C18orf63: variants seen among roughly 807,000 people sequenced by gnomAD.
C18orf63 encodes uncharacterized protein C18orf63.
A neutral mutation model predicts 75.3 loss-of-function variants in C18orf63; 50 were observed. The observed-to-expected ratio is 0.66, with a 90% CI of 0.53 to 0.84. The LOEUF is 0.84. C18orf63 is among the 40% of genes least tolerant of loss of function. The probability of loss-of-function intolerance (pLI) is 0.00; values close to 1 mark genes in which losing one functional copy is unlikely to be tolerated. For missense variants in C18orf63, 732 were observed against 800.2 expected, an observed-to-expected ratio of 0.91 and a Z score of 1.03; for synonymous variants, 232 against 267.6, an observed-to-expected ratio of 0.87 and a Z score of 1.30.
chr18:74,355,356 A>G (rs947152032), intron 13 of C18orf63, among the ~76,000 whole-genome samples: 3 of 151,860 alleles, frequency 2.0e-5, no homozygotes, highest in African/African-American at 7.3e-5. Flanking sequence ...TGACTGAGGG[A>G]AAAATGCATG....
intron 11 of C18orf63, 56 bp from the exon 12 acceptor site, chr18:74,353,190 T>C: frequency 9.3e-7 from 1 of 1,076,578 alleles, no homozygotes; most frequent in Non-Finnish European, 1.3e-6. Context: ...TTATTTCTTT[T>C]CCATTAAGGA....
intron 3 of C18orf63, among the ~76,000 whole-genome samples, chr18:74,321,902 T>C (rs978011257): frequency 1.3e-5 from 2 of 152,202 alleles, no homozygotes; most frequent in Non-Finnish European, 1.5e-5. Context: ...TTGCCATTCA[T>C]TTCCCCTTTA....
In C18orf63 at chr18:74,357,477, A is replaced by G. The variant is rs1173969380; in HGVS notation, c.*1030A>G. 2 of 152,208 alleles carry G rather than the reference A, an allele frequency of 1.3e-5. No individual in the cohort carries two copies. Among genetic ancestry groups the G allele is most frequent in the East Asian group, 3.8e-4 (2 of 5,208 alleles). 9.4% of individuals were successfully genotyped at this position (152,208 alleles called of 1,614,324 possible). On this transcript the variant is annotated 3_prime_UTR_variant, in exon 14 of 14. Coordinates refer to ENST00000579455, the MANE Select transcript of C18orf63 (RefSeq NM_001174123.2). ...TATTATTCTGGCTTTCAAACATTTT[A>G]TATGTTTGATATACGAAATATTATA...
At chr18:74,327,117 A>G (rs995249438) in intron 4 of C18orf63, among the ~76,000 whole-genome samples, 1 of 152,158 alleles carries the variant, frequency 6.6e-6, no homozygotes, top group Admixed American at 6.5e-5. Flanking sequence ...GGAATTCTTA[A>G]CCGGACCCTT....
chr18:74,320,486 A>G, intron 2 of C18orf63, 27 bp from the exon 3 acceptor site: 1 of 1,468,150 alleles, frequency 6.8e-7, no homozygotes, highest in South Asian at 1.2e-5. Flanking sequence ...ATACCAGTCC[A>G]CTTTGTAATA....
intron 2 of C18orf63, among the ~76,000 whole-genome samples, chr18:74,319,769 G>T (rs1310875731): frequency 2.6e-5 from 4 of 152,078 alleles, no homozygotes; most frequent in Non-Finnish European, 5.9e-5. Flanking sequence ...AAGGAAAAAT[G>T]GAAGAAATAG....
At chr18:74,351,933 G>A (rs780865514) in intron 11 of C18orf63, among the ~76,000 whole-genome samples, 3 of 152,156 alleles carry the variant, frequency 2.0e-5, no homozygotes, top group Admixed American at 2.0e-4. Context: ...TTGGTGTTCA[G>A]TGTTTCAGGT....
chr18:74,326,807 G>A (rs564779454), intron 4 of C18orf63, among the ~76,000 whole-genome samples: 2 of 152,154 alleles, frequency 1.3e-5, no homozygotes, highest in Admixed American at 6.5e-5. Flanking sequence ...ATTACTTATT[G>A]GTCTTAATTT....
At chr18:74,345,735 CTT>C (rs1246236995) in intron 11 of C18orf63, among the ~76,000 whole-genome samples, 1 of 152,054 alleles carries the variant, frequency 6.6e-6, no homozygotes, top group African/African-American at 2.4e-5. Flanking sequence ...TTTCAGGCCT[CTT>C]TAATCTCTTT....
chr18:74,330,358 A>C (rs1984284619), intron 6 of C18orf63, among the ~76,000 whole-genome samples: 1 of 152,152 alleles, frequency 6.6e-6, no homozygotes, highest in Admixed American at 6.5e-5. Flanking sequence ...AGTCACCACT[A>C]TCCTGACATT....
Position 74,322,695 on chromosome 18 carries a change from C to T in C18orf63, c.214-3C>T. 1 of 1,236,500 alleles carries T rather than the reference C, an allele frequency of 8.1e-7. No individual in the cohort carries two copies. The highest frequency in any genetic ancestry group is 1.1e-6 in the Non-Finnish European group (1 of 900,002). 76.6% of individuals were successfully genotyped at this position (1,236,500 alleles called of 1,614,324 possible). ...TTTTTATAAATGTGGATTTTTGTTA[C>T]AGATACCATTTTATAAAGCAAGAAA... On this transcript the variant is annotated splice_region_variant and splice_polypyrimidine_tract_variant and intron_variant, in intron 3 of 13. Coordinates refer to ENST00000579455, the MANE Select transcript of C18orf63 (RefSeq NM_001174123.2).
intron 11 of C18orf63, among the ~76,000 whole-genome samples, chr18:74,351,489 C>T (rs1332203835): frequency 6.6e-6 from 1 of 152,230 alleles, no homozygotes; most frequent in South Asian, 2.1e-4. Context: ...ATCCCCAGCA[C>T]AGGAAGAGAC....
Position 74,356,921 on chromosome 18 carries a change from T to A in C18orf63, c.*474T>A, listed in dbSNP as rs1260718942. On this transcript the variant is annotated 3_prime_UTR_variant, in exon 14 of 14. Transcript: ENST00000579455. ...ACAGACATGCTTTTTTTTGCTATAA[T>A]CTTTTAAAGCAAATTCAAGACATCA... 1.3e-5 allele frequency: 2 copies of A among 152,142 alleles called. No homozygotes were observed. Among genetic ancestry groups the A allele is most frequent in the Non-Finnish European group, 2.9e-5 (2 of 68,018 alleles). 9.4% of individuals were successfully genotyped at this position (152,142 alleles called of 1,614,324 possible).
At chr18:74,332,405 T>C (rs1230602621) in intron 7 of C18orf63, among the ~76,000 whole-genome samples, 1 of 152,134 alleles carries the variant, frequency 6.6e-6, no homozygotes, top group African/African-American at 2.4e-5. Flanking sequence ...CTCAATCACC[T>C]GTTAAAGGCT....
chr18:74,346,144 T>A (rs1044058808), intron 11 of C18orf63, among the ~76,000 whole-genome samples: 1 of 152,160 alleles, frequency 6.6e-6, no homozygotes, highest in Non-Finnish European at 1.5e-5. Flanking sequence ...ATACATAAAT[T>A]ACTTCAAAAT....
chr18:74,330,988 C>T (rs1003196297), intron 7 of C18orf63, 46 bp downstream of exon 7: 7 of 734,972 alleles, frequency 9.5e-6, no homozygotes, highest in Non-Finnish European at 1.4e-5. Context: ...TTACTATATA[C>T]TTTTTATATT....
intron 10 of C18orf63, among the ~76,000 whole-genome samples, chr18:74,342,870 T>C (rs1984512151): frequency 6.6e-6 from 1 of 152,134 alleles, no homozygotes; most frequent in South Asian, 2.1e-4. Context: ...CTCTTAAATC[T>C]TAGTACTGAT....
At chr18:74,338,643 T>G in intron 7 of C18orf63, 72 bp from the exon 8 acceptor site, 1 of 583,316 alleles carries the variant, frequency 1.7e-6, no homozygotes, top group Non-Finnish European at 2.7e-6. Flanking sequence ...GTGTAACAAA[T>G]ATGTATCTTT....
intron 10 of C18orf63, among the ~76,000 whole-genome samples, chr18:74,342,957 T>G (rs1364936933): frequency 6.6e-6 from 1 of 152,160 alleles, no homozygotes; most frequent in Non-Finnish European, 1.5e-5. Context: ...CTTTTTGCGT[T>G]CTTTGTTTCC....
Sources: gnomAD v4.1 joint callset for allele counts (sites outside exome capture counted in the v4.1 genomes callset) on GRCh38, gnomAD v4.1.1 for gene constraint, MANE v1.5 for transcripts, NCBI Gene and HGNC (gene_info 2026-07-23, HGNC 2026-07-21) for gene names.